The following RAB3GAP2 variants were observed in gnomAD, a reference collection of about 807,000 sequenced individuals.
RAB3GAP2 encodes rab3 GTPase-activating protein non-catalytic subunit.
RAB3GAP2 carries 87 observed loss-of-function variants against 185.3 expected under a neutral mutation model. That is an observed-to-expected ratio of 0.47 (90% CI 0.39 to 0.56). The LOEUF (loss-of-function observed/expected upper bound fraction) is 0.56. Ranked by LOEUF, RAB3GAP2 falls within the 20% of genes least tolerant of loss-of-function variation. The pLI, the probability that RAB3GAP2 is intolerant of heterozygous loss-of-function variation, is 0.00. For synonymous variants in RAB3GAP2, 554 were observed against 576.1 expected, an observed-to-expected ratio of 0.96 and a Z score of 0.55; for missense variants, 1,492 against 1,638.2, an observed-to-expected ratio of 0.91 and a Z score of 1.54.
intron 23 of RAB3GAP2, 143 bp downstream of exon 23, chr1:220,171,746 T>C (rs1358145369): frequency 3.4e-6 from 3 of 870,854 alleles, no homozygotes; most frequent in Non-Finnish European, 5.5e-6. Flanking sequence ...ATCCACGGCA[T>C]CATTCTCAAT....
intron 2 of RAB3GAP2, among the ~76,000 whole-genome samples, chr1:220,217,121 T>G (rs1220066744): frequency 6.6e-6 from 1 of 152,070 alleles, no homozygotes; most frequent in African/African-American, 2.4e-5. Flanking sequence ...GAGCCCAAAC[T>G]AAAATCTAGG....
chr1:220,218,292 C>T (rs1329547821), intron 2 of RAB3GAP2, among the ~76,000 whole-genome samples: 1 of 152,062 alleles, frequency 6.6e-6, no homozygotes, highest in African/African-American at 2.4e-5. Flanking sequence ...AAAATATATC[C>T]TCCCAGTTTG....
chr1:220,157,911 A>G (rs1445653264), intron 29 of RAB3GAP2, 35 bp from the exon 30 acceptor site: 16 of 1,518,420 alleles, frequency 1.1e-5, no homozygotes, highest in Non-Finnish European at 1.5e-5. Flanking sequence ...TAGGCCCTGC[A>G]GGAAAACTGC....
intron 1 of RAB3GAP2, among the ~76,000 whole-genome samples, chr1:220,269,417 G>C (rs1165097687): frequency 6.6e-6 from 1 of 152,178 alleles, no homozygotes; most frequent in Non-Finnish European, 1.5e-5. Context: ...AAAAACCATT[G>C]AGTGTTATTA....
At chr1:220,206,464 A>G (rs767752270) in intron 7 of RAB3GAP2, among the ~76,000 whole-genome samples, 8 of 152,176 alleles carry the variant, frequency 5.3e-5, no homozygotes, top group African/African-American at 9.7e-5. Context: ...TTTCCATTTC[A>G]ATAAGTGAAC....
chr1:220,174,019 C>CAAAAA (rs398050108), intron 21 of RAB3GAP2, among the ~76,000 whole-genome samples: 171 of 46,910 alleles, frequency 3.6e-3, no homozygotes, highest in Middle Eastern at 0.01. Context: ...GACTCTGTCT[C>CAAAAA]AAAAAAAAAA....
At chr1:220,195,472 G>A in intron 10 of RAB3GAP2, 95 bp from the exon 11 acceptor site, 3 of 1,204,738 alleles carry the variant, frequency 2.5e-6, no homozygotes, top group Non-Finnish European at 3.7e-6. Context: ...GCTTTGAAAA[G>A]TTGTAAAGGC....
chr1:220,210,366 G>A, intron 7 of RAB3GAP2, 22 bp downstream of exon 7: 1 of 1,574,810 alleles, frequency 6.3e-7, no homozygotes, highest in East Asian at 2.2e-5. Context: ...TGTTACTGTT[G>A]GAACACAATT....
intron 1 of RAB3GAP2, among the ~76,000 whole-genome samples, chr1:220,245,869 C>T (rs1009003977): frequency 1.8e-4 from 28 of 152,206 alleles, no homozygotes; most frequent in Non-Finnish European, 2.9e-4. Flanking sequence ...CCCTGACCCC[C>T]GAGCAGCCTA....
At chr1:220,228,889 A>C (rs1344021400) in intron 2 of RAB3GAP2, among the ~76,000 whole-genome samples, 1 of 152,210 alleles carries the variant, frequency 6.6e-6, no homozygotes, top group Admixed American at 6.5e-5. Context: ...GCCATTTGTA[A>C]ATATTCCGAT....
chr1:220,271,804 T>C (rs1173623851), intron 1 of RAB3GAP2, among the ~76,000 whole-genome samples: 1 of 151,518 alleles, frequency 6.6e-6, no homozygotes, highest in Admixed American at 6.6e-5. Flanking sequence ...AGTGGAGCGC[T>C]GACATGTGGC....
chr1:220,210,957 CT>C lies in RAB3GAP2; in HGVS notation c.431del (p.Lys144ArgfsTer37). 6.2e-7 allele frequency: 1 copy of C among 1,614,000 alleles called. No homozygotes were observed. Among genetic ancestry groups the C allele is most frequent in the South Asian group, 1.1e-5 (1 of 91,066 alleles). ...SALCIPLASQ[K>X]RSSTGRPDWT... The stretch of plus-strand genomic sequence containing the variant: ...AGATGACTCTTATTTATCCTTACCT[CT>C]TTTGGCTTGCTAGTGGGATACATAG... On this transcript the variant is annotated frameshift_variant, in exon 5 of 35. Transcript: ENST00000358951. LOFTEE classifies it high-confidence loss of function.
intron 33 of RAB3GAP2, 104 bp from the exon 34 acceptor site, chr1:220,151,868 T>G: frequency 8.2e-7 from 1 of 1,218,772 alleles, no homozygotes. Context: ...ATTTTTGAAC[T>G]GTGGCCATTT....
intron 1 of RAB3GAP2, among the ~76,000 whole-genome samples, chr1:220,259,344 A>G (rs1198043987): frequency 6.6e-6 from 1 of 152,220 alleles, no homozygotes; most frequent in East Asian, 1.9e-4. Flanking sequence ...ACTGCAAGCT[A>G]TAGTAACCAA....
intron 2 of RAB3GAP2, among the ~76,000 whole-genome samples, chr1:220,214,450 C>T (rs1053351081): frequency 2.0e-5 from 3 of 151,762 alleles, no homozygotes; most frequent in African/African-American, 7.3e-5. Flanking sequence ...CACTTGAACC[C>T]AGGAGGTAGA....
Position 220,149,091 on chromosome 1 carries a change from T to G in RAB3GAP2, c.*2160A>C, listed in dbSNP as rs1200230212. 6.6e-6 allele frequency: 1 copy of G among 152,202 alleles called. No homozygotes were observed. Among genetic ancestry groups the G allele is most frequent in the African/African-American group, 2.4e-5 (1 of 41,456 alleles). The allele number at this position is 152,202 out of a possible 1,614,324, so 9.4% of individuals were successfully genotyped here. A position where few individuals can be genotyped will look rare whatever the true frequency, so the allele number is the denominator to read the frequency against. The stretch of plus-strand genomic sequence containing the variant: ...ATCTAATTCCTTTATCATCTATGGC[T>G]CTTTGTTATTATAGAATGTCTACAT... On this transcript the variant is annotated 3_prime_UTR_variant, in exon 35 of 35. Transcript: ENST00000358951.
At chr1:220,214,961 T>TATATATATATATATATATAC (rs1214143846) in intron 2 of RAB3GAP2, among the ~76,000 whole-genome samples, 1 of 143,064 alleles carries the variant, frequency 7.0e-6, no homozygotes, top group East Asian at 2.1e-4. Flanking sequence ...TATATATATA[T>TATATATATATATATATATAC]ATATATATAT....
intron 17 of RAB3GAP2, among the ~76,000 whole-genome samples, chr1:220,189,117 G>A (rs12026270): frequency 0.048 from 7,299 of 152,094 alleles, 207 homozygotes; most frequent in African/African-American, 0.077. Flanking sequence ...GGGACACTCA[G>A]GGCTCTTTAG....
Position 220,272,230 on chromosome 1 carries a change from C to T in RAB3GAP2, c.108G>A (p.Arg36=), listed in dbSNP as rs765320215. The T allele has an allele frequency of 1.2e-6, 2 of 1,605,724 alleles. No individual in the cohort carries two copies. Among genetic ancestry groups the T allele is most frequent in the East Asian group, 2.2e-5 (1 of 44,538 alleles). Residue 36 remains arginine (R), a synonymous_variant, in exon 1 of 35, where the codon AGG becomes AGA. Transcript: ENST00000358951. Reference sequence around the variant, plus strand: ...GGCCAGAGAGGCACTTACTGGGGTCCCTCCGCAAGGCGCCGCTGAGGATCT... The same window carrying T: ...GGCCAGAGAGGCACTTACTGGGGTCTCTCCGCAAGGCGCCGCTGAGGATCT... ...REEILSGALR[R]DPSKSTDWED... is the part of the protein sequence containing the mutation.
Sources: allele counts gnomAD v4.1 joint callset (sites outside exome capture counted in the v4.1 genomes callset), GRCh38; gene constraint gnomAD v4.1.1; transcripts MANE v1.5; gene names NCBI Gene and HGNC (gene_info 2026-07-23, HGNC 2026-07-21).